RAB38: variants seen among roughly 807,000 people sequenced by gnomAD.
RAB38 encodes RAB38, member RAS oncogene family.
RAB38 carries 15 observed loss-of-function variants against 18.4 expected under a neutral mutation model. That is an observed-to-expected ratio of 0.82 (90% CI 0.55 to 1.26). The LOEUF (loss-of-function observed/expected upper bound fraction) is 1.26, where lower values mean the gene tolerates loss of function less well. RAB38 is among the 50% of genes most tolerant of loss of function. RAB38 has a pLI of 0.00. For missense variants in RAB38, 294 were observed against 267.4 expected, an observed-to-expected ratio of 1.10 and a Z score of -0.69; for synonymous variants, 101 against 104.4, an observed-to-expected ratio of 0.97 and a Z score of 0.20.
At chr11:88,106,141 C>T in the RAB38 span, among the ~76,000 whole-genome samples, 7 of 151,946 alleles carry the variant, frequency 4.6e-5, no homozygotes, top group Non-Finnish European at 8.8e-5. Context: ...AGCAGAGACC[C>T]GTGACTTTTT....
At chr11:87,974,362 A>G in the RAB38 span, among the ~76,000 whole-genome samples, 1 of 151,896 alleles carries the variant, frequency 6.6e-6, no homozygotes, top group African/African-American at 2.4e-5. Context: ...AAAGAAAAAA[A>G]AAATCATAGG....
At chr11:87,803,841 G>A in the RAB38 span, among the ~76,000 whole-genome samples, 3 of 152,204 alleles carry the variant, frequency 2.0e-5, no homozygotes, top group Non-Finnish European at 4.4e-5. Flanking sequence ...TTTGTCCCAA[G>A]CAAGTTCAAA....
the RAB38 span, among the ~76,000 whole-genome samples, chr11:87,860,996 T>C: frequency 6.6e-6 from 1 of 151,948 alleles, no homozygotes; most frequent in African/African-American, 2.4e-5. Flanking sequence ...ATCAAATTTA[T>C]GGTGAAACTT....
At chr11:87,921,181 T>G in the RAB38 span, among the ~76,000 whole-genome samples, 1 of 152,100 alleles carries the variant, frequency 6.6e-6, no homozygotes, top group African/African-American at 2.4e-5. Context: ...TTATGATGGT[T>G]TGACTTTAAA....
chr11:87,864,850 G>C, the RAB38 span, among the ~76,000 whole-genome samples: 1 of 151,704 alleles, frequency 6.6e-6, no homozygotes. Flanking sequence ...TATCGCAGAC[G>C]AGCAGTTCTC....
the RAB38 span, among the ~76,000 whole-genome samples, chr11:88,057,463 C>CAA: frequency 9.9e-5 from 14 of 142,110 alleles, no homozygotes; most frequent in South Asian, 2.3e-4. Flanking sequence ...ATTAGTCTAT[C>CAA]AAAAAAAAAA....
chr11:88,155,102 A>C (rs1453083847), intron 1 of RAB38, among the ~76,000 whole-genome samples: 1 of 151,936 alleles, frequency 6.6e-6, no homozygotes, highest in Non-Finnish European at 1.5e-5. Flanking sequence ...GCTGAGGTAC[A>C]CAACTCACAC....
the RAB38 span, among the ~76,000 whole-genome samples, chr11:87,952,961 TAATTTTA>T: frequency 6.6e-6 from 1 of 152,178 alleles, no homozygotes; most frequent in African/African-American, 2.4e-5. Flanking sequence ...TAAATGTTTT[TAATTTTA>T]AAACATTTAA....
chr11:87,834,352 A>T, the RAB38 span, among the ~76,000 whole-genome samples: 1 of 152,042 alleles, frequency 6.6e-6, no homozygotes, highest in African/African-American at 2.4e-5. Context: ...GTCTTATGAG[A>T]CTCTAAGCTG....
the RAB38 span, among the ~76,000 whole-genome samples, chr11:88,053,300 C>T: frequency 4.1e-4 from 53 of 128,154 alleles, no homozygotes; most frequent in African/African-American, 1.6e-3. Context: ...TATATATACA[C>T]ACATATATAT....
chr11:88,027,131 A>G, the RAB38 span, among the ~76,000 whole-genome samples: 10 of 152,294 alleles, frequency 6.6e-5, no homozygotes, highest in East Asian at 1.9e-3. Context: ...CTAGCTTGAG[A>G]AAGTTTCCTT....
the RAB38 span, among the ~76,000 whole-genome samples, chr11:87,966,835 G>A: frequency 6.6e-6 from 1 of 152,166 alleles, no homozygotes; most frequent in Non-Finnish European, 1.5e-5. Context: ...AATTTATTGG[G>A]TGTGAGCCAG....
chr11:88,026,517 C>G, the RAB38 span, among the ~76,000 whole-genome samples: 2 of 139,600 alleles, frequency 1.4e-5, no homozygotes, highest in East Asian at 4.4e-4. Context: ...GAGCCAAGAT[C>G]GCTCCACTGC....
At chr11:87,945,915 C>A in the RAB38 span, among the ~76,000 whole-genome samples, 1 of 152,086 alleles carries the variant, frequency 6.6e-6, no homozygotes, top group Non-Finnish European at 1.5e-5. Flanking sequence ...ATGACAGGCT[C>A]TTCAGATTTA....
chr11:88,046,930 G>A, the RAB38 span, among the ~76,000 whole-genome samples: 1 of 152,044 alleles, frequency 6.6e-6, no homozygotes. Context: ...CAGCTGAAGT[G>A]CAGGGCTGTG....
the RAB38 span, among the ~76,000 whole-genome samples, chr11:87,950,329 T>G: frequency 6.0e-4 from 91 of 151,966 alleles, no homozygotes; most frequent in African/African-American, 1.7e-3. Flanking sequence ...GATGGGTCTT[T>G]ACTCTATCCA....
chr11:88,155,750 A>C (rs565043528), intron 1 of RAB38, among the ~76,000 whole-genome samples: 31 of 152,342 alleles, frequency 2.0e-4, no homozygotes, highest in Non-Finnish European at 4.0e-4. Flanking sequence ...AGGCAGCTCA[A>C]TGAGATCCAA....
the RAB38 span, among the ~76,000 whole-genome samples, chr11:87,836,016 C>A: frequency 2.0e-5 from 3 of 152,146 alleles, no homozygotes; most frequent in African/African-American, 7.2e-5. Context: ...ACTTTTTCTT[C>A]AACAAGTCTC....
At chr11:87,960,114 T>C in the RAB38 span, among the ~76,000 whole-genome samples, 1 of 152,092 alleles carries the variant, frequency 6.6e-6, no homozygotes, top group Non-Finnish European at 1.5e-5. Context: ...TTGTCTCCAT[T>C]TTCAGGGCTT....
Sources: allele counts gnomAD v4.1 joint callset (sites outside exome capture counted in the v4.1 genomes callset), GRCh38; gene constraint gnomAD v4.1.1; transcripts MANE v1.5; gene names NCBI Gene and HGNC (gene_info 2026-07-23, HGNC 2026-07-21).